The following ARID4A variants were observed in gnomAD, a reference collection of about 807,000 sequenced individuals.
ARID4A encodes the protein AT-rich interaction domain 4A.
In ARID4A, 39 loss-of-function variants were observed where a neutral mutation model predicts 148.6. The ratio of observed to expected loss-of-function variants is 0.26; its 90% confidence interval spans 0.20 to 0.34. The LOEUF is 0.34. ARID4A is among the 10% of genes least tolerant of loss of function. The pLI is 1.00. For missense variants in ARID4A, 1,265 were observed against 1,449.1 expected (o/e 0.87, Z 2.06); for synonymous variants, 475 against 481.2 (o/e 0.99, Z 0.17).
intron 9 of ARID4A, 143 bp from the exon 10 acceptor site, chr14:58,329,385 T>G (rs1186640808): frequency 1.6e-6 from 1 of 611,138 alleles, no homozygotes. Flanking sequence ...TCTTCTTACC[T>G]TTTGTTAAGG....
In ARID4A at chr14:58,365,510, T is replaced by G; in HGVS notation, c.3212-8T>G. The stretch of plus-strand genomic sequence containing the variant: ...TTTTTCAACATTCTCTCTTTCCCCT[T>G]ATTTCAGGTCAGAAGAGGCCAAGTG... On this transcript the variant is annotated splice_region_variant and splice_polypyrimidine_tract_variant and intron_variant, in intron 20 of 23. Coordinates refer to ENST00000355431, the MANE Select transcript of ARID4A (RefSeq NM_002892.4). 1 of 1,284,948 alleles carries G rather than the reference T, an allele frequency of 7.8e-7. No individual in the cohort carries two copies. The highest frequency in any genetic ancestry group is 2.4e-5 in the East Asian group (1 of 42,048). 79.6% of individuals were successfully genotyped at this position (1,284,948 alleles called of 1,614,324 possible).
chr14:58,347,814 C>T lies in ARID4A; in HGVS notation c.1340C>T (p.Pro447Leu). 6.2e-7 allele frequency: 1 copy of T among 1,613,656 alleles called. No individual in the cohort carries two copies. The highest frequency in any genetic ancestry group is 8.5e-7 in the Non-Finnish European group (1 of 1,179,826). The change falls in exon 15 of 24, where the codon CCT becomes CTT. Residue 447 changes from proline (P) to leucine (L), a missense_variant. Pro to Leu is a moderately conservative substitution (Grantham distance 98, BLOSUM62 -3). Transcript: ENST00000355431. ...CCTTTAACAGAAGTGAAGAGTGAAC[C>T]TGAGGAAAATATCGATTCAAACAGT... The part of the protein sequence containing the change: ...EMPLTEVKSE[P>L]EENIDSNSES...
chr14:58,373,388 T>G lies in ARID4A; in HGVS notation c.*1399T>G, dbSNP rs2035683886. ...AAAGCAGTTTTTAAATTCATGTTTG[T>G]ACATTGAAAGGGGTTTTTTTTTTAA... On this transcript the variant is annotated 3_prime_UTR_variant, in exon 24 of 24. Coordinates refer to ENST00000355431, the MANE Select transcript of ARID4A (RefSeq NM_002892.4). 1.1e-5 allele frequency: 2 copies of G among 184,620 alleles called. No homozygotes were observed. Among genetic ancestry groups the G allele is most frequent in the Admixed American group, 1.2e-4 (2 of 16,084 alleles). The allele number at this position is 184,620 out of a possible 1,614,324, so 11.4% of individuals were successfully genotyped here.
intron 5 of ARID4A, among the ~76,000 whole-genome samples, chr14:58,317,399 C>G (rs765583527): frequency 6.7e-6 from 1 of 148,794 alleles, no homozygotes; most frequent in South Asian, 2.1e-4. Context: ...ATTCTCCCGC[C>G]TCAGCCTCCC....
intron 5 of ARID4A, 151 bp from the exon 6 acceptor site, chr14:58,318,391 G>C (rs536572045): frequency 1.7e-4 from 128 of 751,778 alleles, no homozygotes; most frequent in Non-Finnish European, 1.8e-4. Context: ...ATATGGCATG[G>C]TATGCTCATT....
At chr14:58,319,763 G>C (rs959070673) in intron 7 of ARID4A, among the ~76,000 whole-genome samples, 3 of 150,410 alleles carry the variant, frequency 2.0e-5, no homozygotes, top group Non-Finnish European at 4.4e-5. Context: ...AATGGGTTTC[G>C]AACTCCTGAC....
At chr14:58,309,317 A>G (rs1352138185) in intron 5 of ARID4A, among the ~76,000 whole-genome samples, 2 of 152,174 alleles carry the variant, frequency 1.3e-5, no homozygotes, top group African/African-American at 4.8e-5. Flanking sequence ...GCACCAACTC[A>G]AGGGGATTTT....
chr14:58,329,539 C>A lies in ARID4A; in HGVS notation c.674C>A (p.Ala225Glu). 1.3e-6 allele frequency: 2 copies of A among 1,599,742 alleles called. No individual in the cohort carries two copies. The highest frequency in any genetic ancestry group is 1.7e-6 in the Non-Finnish European group (2 of 1,167,370). Residue 225 changes from alanine (A) to glutamate (E), a missense_variant, in exon 10 of 24, where the codon GCA becomes GAA. Around this residue, in one of 9 missense-constraint regions of ARID4A, gnomAD observed 249 missense variants for 277.2 expected, o/e 0.90. Transcript: ENST00000355431. ...SFIDSKFYSI[A>E]RKDIKEVDIL... ...TTCTTGATAATTAGTTACTCTATAGCAAGAAAGGACATTAAGGAAGTAGAC... is the reference window on the plus strand; with the variant it reads ...TTCTTGATAATTAGTTACTCTATAGAAAGAAAGGACATTAAGGAAGTAGAC...
chr14:58,346,751 A>G (rs1199655623), intron 13 of ARID4A, among the ~76,000 whole-genome samples: 2 of 151,276 alleles, frequency 1.3e-5, no homozygotes, highest in Non-Finnish European at 2.9e-5. Context: ...AACATGGCGA[A>G]ACCCCATCTC....
chr14:58,321,162 A>G (rs1022466382), intron 7 of ARID4A, among the ~76,000 whole-genome samples: 1 of 152,152 alleles, frequency 6.6e-6, no homozygotes, highest in African/African-American at 2.4e-5. Flanking sequence ...CCTTTGTAAA[A>G]TCTGTGTGGA....
intron 17 of ARID4A, among the ~76,000 whole-genome samples, chr14:58,356,383 T>A (rs1434928818): frequency 1.3e-5 from 2 of 152,204 alleles, no homozygotes; most frequent in African/African-American, 4.8e-5. Context: ...AGATTATGGG[T>A]TGCATGAGAG....
chr14:58,323,648 G>A, intron 8 of ARID4A, 31 bp downstream of exon 8: 1 of 1,563,250 alleles, frequency 6.4e-7, no homozygotes, highest in Non-Finnish European at 8.8e-7. Context: ...GAGTTAATCA[G>A]CCGTCTAAAT....
At chr14:58,352,078 A>T (rs1448290710) in intron 16 of ARID4A, among the ~76,000 whole-genome samples, 1 of 152,232 alleles carries the variant, frequency 6.6e-6, no homozygotes, top group African/African-American at 2.4e-5. Context: ...ACAACATAAC[A>T]TACTTACTTG....
chr14:58,344,051 G>A (rs1012416718), intron 11 of ARID4A, among the ~76,000 whole-genome samples: 6 of 151,988 alleles, frequency 3.9e-5, no homozygotes, highest in African/African-American at 1.4e-4. Flanking sequence ...ATTTTTAGGT[G>A]TTGCAAAGTC....
In ARID4A at chr14:58,347,705, C is replaced by A. The variant is rs140982706; in HGVS notation, c.1231C>A (p.His411Asn). Residue 411 changes from histidine to asparagine, a missense_variant, in exon 15 of 24, where the codon CAT becomes AAT. His to Asn is a moderately conservative substitution (Grantham distance 68). Transcript: ENST00000355431. ...GGCAAATATTCAGTTCAGAACTGTT[C>A]ATCACCATGAACCAAAAGTAAAAGA... The part of the protein sequence containing the change: ...RSANIQFRTV[H>N]HHEPKVKEEK... 3 of 1,613,842 alleles carry A rather than the reference C, an allele frequency of 1.9e-6. No homozygotes were observed. The South Asian group carries it at 3.3e-5, about 18-fold the overall frequency.
chr14:58,346,188 G>C (rs896149046), intron 12 of ARID4A, among the ~76,000 whole-genome samples: 11 of 147,612 alleles, frequency 7.5e-5, no homozygotes, highest in East Asian at 2.0e-4. Flanking sequence ...AAATAAGAGA[G>C]AATTATTATA....
Position 58,365,163 on chromosome 14 carries a change from T to C in ARID4A, c.3074T>C (p.Ile1025Thr), listed in dbSNP as rs1446146187. The change falls in exon 20 of 24, where the codon ATA (isoleucine) becomes ACA (threonine). Residue 1025 changes from isoleucine (I) to threonine (T), a missense_variant. Ile to Thr is a moderately conservative substitution (Grantham distance 89). Transcript: ENST00000355431. ...CGAAGCGTAAAAAGTGAGAGTGATATAACGATTGAAGTTGATAGTATTGCT... is the reference window on the plus strand; with the variant it reads ...CGAAGCGTAAAAAGTGAGAGTGATACAACGATTGAAGTTGATAGTATTGCT... ...ESRSVKSESD[I>T]TIEVDSIAEE... 9.9e-6 allele frequency: 16 copies of C among 1,614,022 alleles called. No homozygotes were observed. Among genetic ancestry groups the C allele is most frequent in the Middle Eastern group, 1.6e-4 (1 of 6,084 alleles).
At chr14:58,354,764 T>G (rs73310722) in intron 17 of ARID4A, among the ~76,000 whole-genome samples, 1,919 of 151,988 alleles carry the variant, frequency 0.013, 41 homozygotes, top group African/African-American at 0.044. Context: ...TTATAGTTGG[T>G]TTTCGTAATA....
At chr14:58,316,277 A>G (rs1431744839) in intron 5 of ARID4A, among the ~76,000 whole-genome samples, 1 of 152,108 alleles carries the variant, frequency 6.6e-6, no homozygotes, top group Non-Finnish European at 1.5e-5. Context: ...CTAAATCTTG[A>G]TAATTGTTTT....
Sources: gnomAD v4.1 joint callset for allele counts (sites outside exome capture counted in the v4.1 genomes callset) on GRCh38, gnomAD v4.1.1 for gene constraint, gnomAD v4.1.1 regional missense constraint, MANE v1.5 for transcripts, NCBI Gene and HGNC (gene_info 2026-07-23, HGNC 2026-07-21) for gene names.